GRIN2A: variants seen among roughly 807,000 people sequenced by gnomAD.
GRIN2A encodes the protein glutamate receptor ionotropic, NMDA 2A.
Under a neutral mutation model 113.4 loss-of-function variants are expected in GRIN2A, and 22 were observed. The observed-to-expected ratio is 0.19, with a 90% CI of 0.14 to 0.28. GRIN2A has a LOEUF of 0.28. GRIN2A is among the 10% of genes least tolerant of loss of function. The pLI is 1.00. For synonymous variants in GRIN2A, 827 were observed against 738.4 expected (o/e 1.12, Z -1.94); for missense variants, 1,502 against 1,887.0 (o/e 0.80, Z 3.78).
At chr16:9,837,429 G>T (rs2042600029) in intron 7 of GRIN2A, among the ~76,000 whole-genome samples, 1 of 152,128 alleles carries the variant, frequency 6.6e-6, no homozygotes, top group Admixed American at 6.5e-5. Flanking sequence ...AAAATCTAGA[G>T]AAACTGGGTT....
At position 10,086,372 on chromosome 16, in the gene GRIN2A, T is replaced by C. The variant is rs537052110; in HGVS notation, c.414+93626A>G. Reference sequence around the variant, plus strand: ...AATGATGCCAAAAATAATTGTTCCTTGGGCCTTCTAGATCTTCTCACTTCC... The same window carrying C: ...AATGATGCCAAAAATAATTGTTCCTCGGGCCTTCTAGATCTTCTCACTTCC... On this transcript the variant is annotated intron_variant, in intron 2 of 12. Coordinates refer to ENST00000330684, the MANE Select transcript of GRIN2A (RefSeq NM_001134407.3). Among the ~76,000 whole-genome samples, 3 of 152,172 alleles carry C rather than the reference T, an allele frequency of 2.0e-5. No individual in the cohort carries two copies. The East Asian group carries it at 5.8e-4, about 29-fold the overall frequency.
chr16:10,156,802 T>A (rs1345424), intron 2 of GRIN2A, among the ~76,000 whole-genome samples: 1 of 152,096 alleles, frequency 6.6e-6, no homozygotes, highest in Non-Finnish European at 1.5e-5. Context: ...ATACACCTTA[T>A]TTCATTCGAT....
intron 2 of GRIN2A, among the ~76,000 whole-genome samples, chr16:10,066,979 C>T (rs2047661423): frequency 1.3e-5 from 2 of 152,294 alleles, no homozygotes; most frequent in Admixed American, 6.5e-5. Context: ...ATACATGCTA[C>T]ACCAGCACAC....
chr16:9,797,875 A>G (rs892029023), intron 11 of GRIN2A, among the ~76,000 whole-genome samples: 1 of 152,120 alleles, frequency 6.6e-6, no homozygotes, highest in Non-Finnish European at 1.5e-5. Context: ...CCCAGCCGTG[A>G]TCACTGAATG....
At chr16:10,111,551 G>A (rs1212500354) in intron 2 of GRIN2A, 17 of 796,120 alleles carry the variant, frequency 2.1e-5, no homozygotes, top group Admixed American at 1.0e-4. Flanking sequence ...GCCCTGACCC[G>A]GAAGATCATG....
intron 2 of GRIN2A, among the ~76,000 whole-genome samples, chr16:10,039,508 G>C (rs764340304): frequency 5.3e-5 from 8 of 152,044 alleles, no homozygotes; most frequent in Non-Finnish European, 1.2e-4. Flanking sequence ...TTTTGCTGAA[G>C]CTCCTCTCCC....
At chr16:10,133,536 G>A (rs949789396) in intron 2 of GRIN2A, among the ~76,000 whole-genome samples, 3 of 152,214 alleles carry the variant, frequency 2.0e-5, no homozygotes, top group Admixed American at 6.5e-5. Context: ...GAACCCGGGA[G>A]GTGGAGGTTG....
At position 10,089,981 on chromosome 16, in the gene GRIN2A, T is replaced by C. The variant is rs145712276; in HGVS notation, c.414+90017A>G. Among the ~76,000 whole-genome samples, 255 of 152,270 alleles carry C rather than the reference T, an allele frequency of 1.7e-3. 3 individuals are homozygous for C. The highest frequency in any genetic ancestry group is 5.8e-3 in the African/African-American group (240 of 41,542). On this transcript the variant is annotated intron_variant, in intron 2 of 12. Coordinates refer to ENST00000330684, the MANE Select transcript of GRIN2A (RefSeq NM_001134407.3). The stretch of plus-strand genomic sequence containing the variant: ...ACTCTTTAGTTTGACATGGAAATTT[T>C]CCCTAATCCCAAGACATAGATGATA...
chr16:10,117,016 G>A (rs1352525653), intron 2 of GRIN2A, among the ~76,000 whole-genome samples: 1 of 151,714 alleles, frequency 6.6e-6, no homozygotes, highest in Non-Finnish European at 1.5e-5. Flanking sequence ...ATATGAGTGG[G>A]GCATCAACAA....
intron 11 of GRIN2A, among the ~76,000 whole-genome samples, chr16:9,784,741 C>G (rs1346509631): frequency 6.6e-6 from 1 of 152,058 alleles, no homozygotes; most frequent in Non-Finnish European, 1.5e-5. Context: ...AACAAATTTA[C>G]AAGAAAAAAA....
In GRIN2A at chr16:10,114,462, G is replaced by A. The variant is rs142480084; in HGVS notation, c.414+65536C>T. Among the ~76,000 whole-genome samples, 11 of 152,258 alleles carry A rather than the reference G, an allele frequency of 7.2e-5. No individual in the cohort carries two copies. The East Asian group carries it at 2.1e-3, about 29-fold the overall frequency. On this transcript the variant is annotated intron_variant, in intron 2 of 12. Coordinates refer to ENST00000330684, the MANE Select transcript of GRIN2A (RefSeq NM_001134407.3). Reference sequence around the variant, plus strand: ...AGCAGGCAGATGCTGTAGGCCAGTCGCCCACAGAAGAATCATAACCTTTCA... The same window carrying A: ...AGCAGGCAGATGCTGTAGGCCAGTCACCCACAGAAGAATCATAACCTTTCA...
intron 2 of GRIN2A, among the ~76,000 whole-genome samples, chr16:10,178,619 C>A (rs1250104678): frequency 6.6e-6 from 1 of 152,216 alleles, no homozygotes; most frequent in Non-Finnish European, 1.5e-5. Flanking sequence ...CACAGGAATT[C>A]TGCTAGCCTG....
intron 2 of GRIN2A, among the ~76,000 whole-genome samples, chr16:10,175,251 G>A (rs1189349164): frequency 6.6e-6 from 1 of 152,148 alleles, no homozygotes; most frequent in Non-Finnish European, 1.5e-5. Context: ...ATGAAGCAAC[G>A]CATGACTATA....
At chr16:9,987,059 G>C (rs1016990586) in intron 2 of GRIN2A, among the ~76,000 whole-genome samples, 1 of 152,098 alleles carries the variant, frequency 6.6e-6, no homozygotes, top group African/African-American at 2.4e-5. Flanking sequence ...ATTGATGCAG[G>C]AGGTCCATAG....
chr16:9,991,674 C>T (rs935481132), intron 2 of GRIN2A, among the ~76,000 whole-genome samples: 2 of 152,104 alleles, frequency 1.3e-5, no homozygotes, highest in Admixed American at 6.5e-5. Context: ...GGAGTTGCTG[C>T]ACTTAAGGGC....
At position 10,165,169 on chromosome 16, in the gene GRIN2A, GT is replaced by G. The variant is rs2049886302; in HGVS notation, c.414+14828del. The stretch of plus-strand genomic sequence containing the variant: ...AATTGGGGAAAATCTAAATTATCAA[GT>G]AAATCATGAGATATCCACAGAATAG... On this transcript the variant is annotated intron_variant, in intron 2 of 12. Coordinates refer to ENST00000330684, the MANE Select transcript of GRIN2A (RefSeq NM_001134407.3). Among the ~76,000 whole-genome samples, 13 of 152,236 alleles carry G rather than the reference GT, an allele frequency of 8.5e-5. No homozygotes were observed. The South Asian group carries it at 2.7e-3, about 32-fold the overall frequency.
intron 3 of GRIN2A, among the ~76,000 whole-genome samples, chr16:9,905,771 G>A (rs187116146): frequency 6.6e-6 from 1 of 152,216 alleles, no homozygotes; most frequent in East Asian, 1.9e-4. Flanking sequence ...GGGTGCACCT[G>A]TCCCATGGCG....
intron 2 of GRIN2A, among the ~76,000 whole-genome samples, chr16:9,962,572 C>A (rs1242833610): frequency 6.6e-6 from 1 of 152,136 alleles, no homozygotes; most frequent in African/African-American, 2.4e-5. Context: ...GATACCATCT[C>A]ACACCAGTTA....
intron 3 of GRIN2A, among the ~76,000 whole-genome samples, chr16:9,933,832 A>T (rs1337972797): frequency 6.6e-6 from 1 of 152,244 alleles, no homozygotes; most frequent in African/African-American, 2.4e-5. Context: ...AATGCAATTG[A>T]ATTATCTTCA....
Sources: allele counts gnomAD v4.1 joint callset (sites outside exome capture counted in the v4.1 genomes callset), GRCh38; gene constraint gnomAD v4.1.1; transcripts MANE v1.5; gene names NCBI Gene and HGNC (gene_info 2026-07-23, HGNC 2026-07-21).